Variants in ANKRD34B observed in about 807,000 individuals in gnomAD.
ANKRD34B encodes ankyrin repeat domain 34B, also known as ankyrin repeat domain-containing protein 34B.
ANKRD34B carries 2 observed loss-of-function variants against 4.4 expected under a neutral mutation model. That is an observed-to-expected ratio of 0.46 (90% confidence interval 0.19 to 1.44). The LOEUF (loss-of-function observed/expected upper bound fraction) is 1.44. ANKRD34B is among the 40% of genes most tolerant of loss of function. The pLI, the probability that ANKRD34B is intolerant of heterozygous loss-of-function variation, is 0.26. For missense variants in ANKRD34B, 558 were observed against 604.7 expected (o/e 0.92, Z 0.81); for synonymous variants, 226 against 227.1 (o/e 0.99, Z 0.05).
At chr5:80,562,994 A>C (rs1746450095) in intron 4 of ANKRD34B, among the ~76,000 whole-genome samples, 1 of 152,212 alleles carries the variant, frequency 6.6e-6, no homozygotes, top group Non-Finnish European at 1.5e-5. Context: ...AATCGGAAAA[A>C]TGAAAAGATG....
rs770926920 is a variant in ANKRD34B at position 80,559,981 on chromosome 5, G to C, written c.39C>G (p.Ser13=). ...EGMEISSEGN[S]LIKAVHQSRL... ...GGCTCTGATGGACTGCTTTGATCAA[G>C]GAATTTCCTTCACTTGAAATTTCCA... is the stretch of plus-strand genomic sequence containing the variant. Residue 13 remains serine, a synonymous_variant, in exon 5 of 5, where the codon TCC becomes TCG. Coordinates refer to ENST00000338682, the MANE Select transcript of ANKRD34B (RefSeq NM_001004441.3). 3.1e-6 allele frequency: 5 copies of C among 1,598,116 alleles called. No homozygotes were observed. The highest frequency in any genetic ancestry group is 4.3e-6 in the Non-Finnish European group (5 of 1,172,246).
At position 80,560,058 on chromosome 5, in the gene ANKRD34B, G is replaced by A. The variant is rs758452396; in HGVS notation, c.-23-16C>T. The A allele has an allele frequency of 6.3e-6, 9 of 1,418,946 alleles. No individual in the cohort carries two copies. In the Admixed American group the frequency reaches 7.2e-5, roughly 11 times the overall value. The allele number at this position is 1,418,946 out of a possible 1,614,324, so 87.9% of individuals were successfully genotyped here. ...AACTCAATACCTGGTTATCAAAGAT[G>A]GCAAAGACCAAAAGATTAGCCAGAA... On this transcript the variant is annotated splice_polypyrimidine_tract_variant and intron_variant, in intron 4 of 4. Coordinates refer to ENST00000338682, the MANE Select transcript of ANKRD34B (RefSeq NM_001004441.3).
chr5:80,566,265 C>T (rs1746562264), intron 3 of ANKRD34B, among the ~76,000 whole-genome samples: 1 of 152,022 alleles, frequency 6.6e-6, no homozygotes, highest in Non-Finnish European at 1.5e-5. Flanking sequence ...ACATTTAGGA[C>T]TTAGAGGTCC....
At chr5:80,569,806 C>A (rs568720918) in intron 1 of ANKRD34B, among the ~76,000 whole-genome samples, 53 of 152,324 alleles carry the variant, frequency 3.5e-4, no homozygotes, top group African/African-American at 1.2e-3. Flanking sequence ...GAGTCCAAGC[C>A]CCAGCGGCCG....
chr5:80,559,579 C>T lies in ANKRD34B; in HGVS notation c.441G>A (p.Glu147=), dbSNP rs767484770. Reference sequence around the variant, plus strand: ...ACTTTGCTGTTGTGATGATGATGACCTCTTTCCCTTTTGCCTTGCAAGCAC... The same window carrying T: ...ACTTTGCTGTTGTGATGATGATGACTTCTTTCCCTTTTGCCTTGCAAGCAC... ...LLSACKAKGK[E]VIIITTAKLP... Residue 147 remains glutamate, a synonymous_variant, in exon 5 of 5, where the codon GAG becomes GAA. Transcript: ENST00000338682. 5 of 1,614,192 alleles carry T rather than the reference C, an allele frequency of 3.1e-6. No individual in the cohort carries two copies. In the South Asian group the frequency reaches 5.5e-5, roughly 18 times the overall value.
intron 3 of ANKRD34B, 86 bp downstream of exon 3, chr5:80,566,603 A>T (rs1159418952): frequency 2.6e-5 from 4 of 152,626 alleles, no homozygotes; most frequent in Non-Finnish European, 4.4e-5. Flanking sequence ...CCCTATTAAA[A>T]ATATCTGTCG....
At chr5:80,569,704 C>A (rs1274992675) in intron 1 of ANKRD34B, among the ~76,000 whole-genome samples, 1 of 152,156 alleles carries the variant, frequency 6.6e-6, no homozygotes, top group Non-Finnish European at 1.5e-5. Context: ...CCCCCCGCCC[C>A]GCATCCTCCT....
chr5:80,562,938 T>C (rs547419523), intron 4 of ANKRD34B, among the ~76,000 whole-genome samples: 7 of 135,596 alleles, frequency 5.2e-5, no homozygotes, highest in East Asian at 2.8e-4. Context: ...ACATTAAAGA[T>C]AGAGACTAGA....
chr5:80,563,216 T>C (rs1482114467), intron 4 of ANKRD34B, among the ~76,000 whole-genome samples: 2 of 151,978 alleles, frequency 1.3e-5, no homozygotes, highest in African/African-American at 2.4e-5. Flanking sequence ...TACTCCTTGG[T>C]AGAGATTAGG....
intron 2 of ANKRD34B, 78 bp from the exon 3 acceptor site, chr5:80,566,852 G>A (rs764263835): frequency 6.6e-6 from 1 of 152,626 alleles, no homozygotes; most frequent in Non-Finnish European, 1.5e-5. Flanking sequence ...TTGGAGTCTA[G>A]TTTTTAAATT....
intron 3 of ANKRD34B, among the ~76,000 whole-genome samples, chr5:80,565,009 T>A (rs77385931): frequency 6.6e-6 from 1 of 152,238 alleles, no homozygotes. Flanking sequence ...CCAGCCTGTT[T>A]GCTCACTTTT....
intron 3 of ANKRD34B, chr5:80,564,259 ACCT>A (rs1459981847): frequency 6.6e-6 from 1 of 152,258 alleles, no homozygotes; most frequent in African/African-American, 2.4e-5. Flanking sequence ...CGATCCTCCC[ACCT>A]CAGCCTCCCA....
rs1017976891 is a variant in ANKRD34B, at chr5:80,558,695, G to A, written c.1325C>T (p.Thr442Ile). ...TGGGAGAAACCCTTGTCTGGTTTGG[G>A]TAACACTGTGATCTAAAGGGAAAGC... is the stretch of plus-strand genomic sequence containing the variant. ...SGAFPLDHSV[T>I]QTRQGFLPPL... The change falls in exon 5 of 5, where the codon ACC becomes ATC. Residue 442 changes from threonine to isoleucine, a missense_variant. Thr to Ile is a moderately conservative substitution (Grantham distance 89). Transcript: ENST00000338682. The A allele has an allele frequency of 3.7e-6, 6 of 1,613,976 alleles. No individual in the cohort carries two copies. Among genetic ancestry groups the A allele is most frequent in the Non-Finnish European group, 5.1e-6 (6 of 1,180,006 alleles).
chr5:80,568,055 C>T (rs1746629961), intron 2 of ANKRD34B, among the ~76,000 whole-genome samples: 1 of 152,188 alleles, frequency 6.6e-6, no homozygotes, highest in African/African-American at 2.4e-5. Flanking sequence ...ACATGCATCA[C>T]CAAATACAGG....
rs543672329 is a variant in ANKRD34B at position 80,557,465 on chromosome 5, T to C, written c.*1010A>G. 6 of 152,172 alleles carry C rather than the reference T, an allele frequency of 3.9e-5. No homozygotes were observed. Among genetic ancestry groups the C allele is most frequent in the Non-Finnish European group, 7.4e-5 (5 of 67,970 alleles). The allele number at this position is 152,172 out of a possible 1,614,324, so 9.4% of individuals were successfully genotyped here. A position where few individuals can be genotyped will look rare whatever the true frequency, so the allele number is the denominator to read the frequency against. On this transcript the variant is annotated 3_prime_UTR_variant, in exon 5 of 5. Transcript: ENST00000338682. ...TTTGTGATTAAGTTTCTACTGCCTC[T>C]ATTAATTTTAGCTAACCTAATCTAA...
chr5:80,562,052 CGTGTGTGTGTGTGTGT>C lies in ANKRD34B; in HGVS notation c.-24+1667_-24+1682del, dbSNP rs56934964. ...GATGAGCCAGTAGTAACTGACTCAGCGTGTGTGTGTGTGTGTGTGTGTGTGTGTGTGTGTGTGTGTG... is the reference window on the plus strand; with the variant it reads ...GATGAGCCAGTAGTAACTGACTCAGCGTGTGTGTGTGTGTGTGTGTGTGTG... On this transcript the variant is annotated intron_variant, in intron 4 of 4. Transcript: ENST00000338682. 4.2e-3 allele frequency among the ~76,000 whole-genome samples: 536 copies of C among 128,328 alleles called. 2 individuals are homozygous for C. The highest frequency in any genetic ancestry group is 6.1e-3 in the Non-Finnish European group (378 of 61,862). The allele number at this position is 128,328 out of a possible 152,430, so 84.2% of individuals were successfully genotyped here.
rs1026086379 is a variant in ANKRD34B at position 80,557,132 on chromosome 5, T to C, written c.*1343A>G. 2.0e-5 allele frequency: 3 copies of C among 152,610 alleles called. No homozygotes were observed. Among genetic ancestry groups the C allele is most frequent in the African/African-American group, 7.2e-5 (3 of 41,458 alleles). The allele number at this position is 152,610 out of a possible 1,614,324, so 9.5% of individuals were successfully genotyped here. A position where few individuals can be genotyped will look rare whatever the true frequency, so the allele number is the denominator to read the frequency against. On this transcript the variant is annotated 3_prime_UTR_variant, in exon 5 of 5. Transcript: ENST00000338682. The stretch of plus-strand genomic sequence containing the variant: ...CAAAGAAAGTTGTACGTGACAATCA[T>C]CAAATTAATACACTTAGGTTTTGTA...
chr5:80,566,379 C>T (rs181862158), intron 3 of ANKRD34B, among the ~76,000 whole-genome samples: 268 of 152,282 alleles, frequency 1.8e-3, no homozygotes, highest in African/African-American at 6.2e-3. Flanking sequence ...TATCCCACCC[C>T]AGGAATCAGA....
chr5:80,566,198 A>T (rs1430688079), intron 3 of ANKRD34B, among the ~76,000 whole-genome samples: 1 of 152,218 alleles, frequency 6.6e-6, no homozygotes, highest in South Asian at 2.1e-4. Flanking sequence ...GCCTTAGCAT[A>T]GCAGAGGAGG....
Sources: gnomAD v4.1 joint callset for allele counts (sites outside exome capture counted in the v4.1 genomes callset) on GRCh38, gnomAD v4.1.1 for gene constraint, MANE v1.5 for transcripts, NCBI Gene and HGNC (gene_info 2026-07-23, HGNC 2026-07-21) for gene names.